ZNF892: variants seen among roughly 807,000 people sequenced by gnomAD.
The protein encoded by ZNF892 is zinc finger protein 570-like.
chr2:95,210,149 G>A, the ZNF892 span, among the ~76,000 whole-genome samples: 3 of 148,446 alleles, frequency 2.0e-5, no homozygotes, highest in Admixed American at 1.4e-4. Context: ...ATGTATATAT[G>A]TATATATGTG....
At chr2:95,246,549 A>C in the ZNF892 span, among the ~76,000 whole-genome samples, 1 of 152,214 alleles carries the variant, frequency 6.6e-6, no homozygotes, top group Non-Finnish European at 1.5e-5. Flanking sequence ...AGGGTATTCA[A>C]ATAGGAAGAG....
chr2:95,207,901 C>CT, the ZNF892 span: 1 of 398,452 alleles, frequency 2.5e-6, no homozygotes, highest in African/African-American at 2.1e-5. Context: ...AAGGCTACCT[C>CT]TGGCTGGCGC....
the ZNF892 span, among the ~76,000 whole-genome samples, chr2:95,216,327 A>G: frequency 6.6e-6 from 1 of 152,212 alleles, no homozygotes; most frequent in African/African-American, 2.4e-5. Flanking sequence ...GACATTGCCT[A>G]CTAAATCATG....
At chr2:95,221,597 T>A in the ZNF892 span, among the ~76,000 whole-genome samples, 2 of 152,168 alleles carry the variant, frequency 1.3e-5, no homozygotes, top group Admixed American at 6.5e-5. Flanking sequence ...AAGTTGTAGG[T>A]TTTTCTAAAA....
chr2:95,249,738 A>G, the ZNF892 span, among the ~76,000 whole-genome samples: 3 of 152,134 alleles, frequency 2.0e-5, no homozygotes, highest in Admixed American at 2.0e-4. Context: ...TAACATATTT[A>G]TTAATAGAAT....
At chr2:95,250,539 A>T in the ZNF892 span, among the ~76,000 whole-genome samples, 2 of 147,622 alleles carry the variant, frequency 1.4e-5, no homozygotes, top group Non-Finnish European at 3.0e-5. Context: ...TTATAAATTT[A>T]TAAATTTAAA....
At chr2:95,255,542 G>T in the ZNF892 span, among the ~76,000 whole-genome samples, 2 of 152,190 alleles carry the variant, frequency 1.3e-5, no homozygotes, top group Non-Finnish European at 1.5e-5. Flanking sequence ...GTGCTGAAAA[G>T]AATGTATATT....
chr2:95,262,668 A>C, the ZNF892 span, among the ~76,000 whole-genome samples: 1 of 152,238 alleles, frequency 6.6e-6, no homozygotes, highest in African/African-American at 2.4e-5. Flanking sequence ...GAAAGAGAGA[A>C]GGAGCAGGGG....
the ZNF892 span, among the ~76,000 whole-genome samples, chr2:95,226,121 TC>T: frequency 2.0e-5 from 3 of 152,220 alleles, no homozygotes; most frequent in East Asian, 5.8e-4. Flanking sequence ...ATCCCACAGT[TC>T]CACTGGGCAT....
At chr2:95,227,783 A>AT in the ZNF892 span, among the ~76,000 whole-genome samples, 172 of 146,252 alleles carry the variant, frequency 1.2e-3, no homozygotes, top group African/African-American at 2.9e-3. Context: ...CATCCAAGTG[A>AT]TTTTTTTTTT....
chr2:95,258,034 G>A, the ZNF892 span, among the ~76,000 whole-genome samples: 21 of 152,258 alleles, frequency 1.4e-4, no homozygotes, highest in East Asian at 1.9e-3. Context: ...GTGATGCCTC[G>A]CCCTGCTTTG....
the ZNF892 span, among the ~76,000 whole-genome samples, chr2:95,239,881 C>T: frequency 2.0e-5 from 3 of 152,162 alleles, no homozygotes; most frequent in Non-Finnish European, 2.9e-5. Context: ...CCACCCACCT[C>T]GGCCTCCCAA....
At chr2:95,241,221 C>A in the ZNF892 span, among the ~76,000 whole-genome samples, 3 of 152,274 alleles carry the variant, frequency 2.0e-5, no homozygotes, top group Admixed American at 6.5e-5. Context: ...TGAAACCCCC[C>A]CAACAAGCAT....
chr2:95,226,597 T>C, the ZNF892 span, among the ~76,000 whole-genome samples: 1 of 152,192 alleles, frequency 6.6e-6, no homozygotes, highest in Non-Finnish European at 1.5e-5. Context: ...GTGGGGTGTT[T>C]CTCTGAAGAA....
the ZNF892 span, among the ~76,000 whole-genome samples, chr2:95,212,013 A>C: frequency 1.3e-5 from 2 of 152,196 alleles, no homozygotes; most frequent in African/African-American, 4.8e-5. Context: ...TATTCTTTAA[A>C]TAGGGGGAGG....
the ZNF892 span, among the ~76,000 whole-genome samples, chr2:95,250,221 A>T: frequency 6.6e-6 from 1 of 151,972 alleles, no homozygotes; most frequent in African/African-American, 2.4e-5. Flanking sequence ...TTTTATTGTT[A>T]GGTTGAATTT....
the ZNF892 span, among the ~76,000 whole-genome samples, chr2:95,219,253 G>A: frequency 6.6e-5 from 10 of 151,488 alleles, no homozygotes; most frequent in Non-Finnish European, 1.5e-4. Flanking sequence ...TGATCCGCCC[G>A]CTTCGGCCTC....
At chr2:95,222,048 C>A in the ZNF892 span, among the ~76,000 whole-genome samples, 2 of 152,144 alleles carry the variant, frequency 1.3e-5, no homozygotes, top group South Asian at 4.1e-4. Flanking sequence ...AGACTTGTGT[C>A]ACCATCACCA....
At chr2:95,231,710 C>G in the ZNF892 span, among the ~76,000 whole-genome samples, 14 of 152,134 alleles carry the variant, frequency 9.2e-5, no homozygotes, top group African/African-American at 3.1e-4. Context: ...GTTCTCTGTA[C>G]TATTACTGAG....
Sources: allele counts gnomAD v4.1 joint callset (sites outside exome capture counted in the v4.1 genomes callset), GRCh38; gene constraint gnomAD v4.1.1; transcripts MANE v1.5; gene names NCBI Gene and HGNC (gene_info 2026-07-23, HGNC 2026-07-21).